Variants in MCMBP observed in about 807,000 individuals in gnomAD.
MCMBP encodes the protein mini-chromosome maintenance complex-binding protein.
A neutral mutation model predicts 81.3 loss-of-function variants in MCMBP; 31 were observed. That is an observed-to-expected ratio of 0.38 (90% CI 0.29 to 0.51). The LOEUF (loss-of-function observed/expected upper bound fraction) is 0.51. Ranked by LOEUF, MCMBP falls within the 20% of genes least tolerant of loss-of-function variation. The probability of loss-of-function intolerance (pLI) is 0.87; values close to 1 mark genes in which losing one functional copy is unlikely to be tolerated. For synonymous variants in MCMBP, 267 were observed against 275.9 expected, an observed-to-expected ratio of 0.97 and a Z score of 0.32; for missense variants, 645 against 772.1, an observed-to-expected ratio of 0.84 and a Z score of 1.95.
chr10:119,836,784 T>TAAAAAAAA, intron 13 of MCMBP, 112 bp downstream of exon 13: 3 of 163,712 alleles, frequency 1.8e-5, no homozygotes, highest in Non-Finnish European at 3.1e-5. Flanking sequence ...TTTTTTTTTT[T>TAAAAAAAA]TTTTTTTTTT....
chr10:119,833,317 C>T (rs1159243941), intron 14 of MCMBP, among the ~76,000 whole-genome samples: 1 of 151,926 alleles, frequency 6.6e-6, no homozygotes, highest in Non-Finnish European at 1.5e-5. Context: ...GAGTAACTTC[C>T]AAAGCAGAGT....
chr10:119,854,522 G>A (rs1198358177), intron 5 of MCMBP, among the ~76,000 whole-genome samples: 3 of 146,282 alleles, frequency 2.1e-5, no homozygotes, highest in African/African-American at 7.6e-5. Context: ...GGGCAACAAA[G>A]GGAGAGACCC....
intron 1 of MCMBP, among the ~76,000 whole-genome samples, chr10:119,871,634 T>C (rs1407819109): frequency 6.6e-6 from 1 of 152,130 alleles, no homozygotes; most frequent in South Asian, 2.1e-4. Context: ...TACCCCAAGA[T>C]GTTTTTTTCA....
intron 1 of MCMBP, among the ~76,000 whole-genome samples, chr10:119,865,490 C>G (rs562904957): frequency 2.0e-4 from 31 of 152,158 alleles, no homozygotes; most frequent in Non-Finnish European, 4.1e-4. Context: ...ACTTGGGAGG[C>G]TGAGGCAGGA....
Position 119,847,643 on chromosome 10 carries a change from G to A in MCMBP, c.797C>T (p.Pro266Leu). 6.2e-7 allele frequency: 1 copy of A among 1,610,516 alleles called. No individual in the cohort carries two copies. Among genetic ancestry groups the A allele is most frequent in the Non-Finnish European group, 8.5e-7 (1 of 1,177,784 alleles). Residue 266 changes from proline to leucine, a missense_variant, in exon 8 of 16, where the codon CCT (proline) becomes CTT (leucine). Coordinates refer to ENST00000369077, the MANE Select transcript of MCMBP (RefSeq NM_001256378.2). ...LELYGILSVD[P>L]VLSILNNDER... ...ATCATTATTCAGTATACTCAGCACA[G>A]GATCCACAGACAGTATGCCATATAG...
At chr10:119,847,759 G>A in intron 7 of MCMBP, 46 bp from the exon 8 acceptor site, 1 of 1,155,466 alleles carries the variant, frequency 8.7e-7, no homozygotes, top group Non-Finnish European at 1.3e-6. Context: ...CAGACACAAA[G>A]CTTAAGATAT....
intron 1 of MCMBP, among the ~76,000 whole-genome samples, chr10:119,869,884 G>C (rs1369149405): frequency 6.6e-6 from 1 of 152,238 alleles, no homozygotes; most frequent in Non-Finnish European, 1.5e-5. Context: ...GATCAGTGCT[G>C]TACAGAGAAC....
chr10:119,869,863 G>A (rs778494629), intron 1 of MCMBP, among the ~76,000 whole-genome samples: 1 of 152,150 alleles, frequency 6.6e-6, no homozygotes, highest in Admixed American at 6.5e-5. Context: ...ACTAAAAAGC[G>A]GTGTCCTCTA....
intron 1 of MCMBP, among the ~76,000 whole-genome samples, 183 bp downstream of exon 1, chr10:119,872,344 C>A (rs895294693): frequency 2.4e-4 from 37 of 152,040 alleles, no homozygotes; most frequent in Admixed American, 7.9e-4. Context: ...CGGCTCCTGC[C>A]CCTGCCTGCT....
intron 1 of MCMBP, among the ~76,000 whole-genome samples, chr10:119,861,857 C>T (rs1377317432): frequency 6.6e-6 from 1 of 152,044 alleles, no homozygotes; most frequent in Non-Finnish European, 1.5e-5. Flanking sequence ...CCTCTGGCCT[C>T]AGTCTCCTGC....
rs772753406 is a variant in MCMBP, at chr10:119,853,098, G to A, written c.526C>T (p.Leu176=). ...TGGTCTTTCTGCTTATTGGGCTGTA[G>A]GTCCATATCGTCATCATCTTCATAA... The part of the protein sequence containing the change: ...RSYEDDDDMD[L]QPNKQKDQHA... The change falls in exon 6 of 16, where the codon CTA becomes TTA. Residue 176 remains leucine (L), a synonymous_variant. Transcript: ENST00000369077. 5.0e-6 allele frequency: 8 copies of A among 1,614,182 alleles called. No individual in the cohort carries two copies. In the Admixed American group the frequency reaches 1.3e-4, roughly 27 times the overall value.
In MCMBP at chr10:119,872,623, C is replaced by T. The variant is rs1359467513; in HGVS notation, c.-39G>A. On this transcript the variant is annotated 5_prime_UTR_variant, in exon 1 of 16. Transcript: ENST00000369077. ...GGGGCCGGCGAAGACCGGGCGGAGG[C>T]GATCCGCGGGCCGAGCGCGGCCGGG... is the stretch of plus-strand genomic sequence containing the variant. 2.1e-5 allele frequency: 24 copies of T among 1,134,566 alleles called. No homozygotes were observed. The highest frequency in any genetic ancestry group is 2.5e-5 in the Non-Finnish European group (23 of 916,254). The allele number at this position is 1,134,566 out of a possible 1,614,324, so 70.3% of individuals were successfully genotyped here. A position where few individuals can be genotyped will look rare whatever the true frequency, so the allele number is the denominator to read the frequency against.
Position 119,843,364 on chromosome 10 carries a change from T to G in MCMBP, c.890A>C (p.His297Pro). The change falls in exon 9 of 16, where the codon CAC becomes CCC. Residue 297 changes from histidine to proline, a missense_variant. His to Pro is a moderately conservative substitution (Grantham distance 77). Coordinates refer to ENST00000369077, the MANE Select transcript of MCMBP (RefSeq NM_001256378.2). ...CGGCACTAATGAAGCAGGAGGACTG[T>G]GTACTCTCTGCTCCTCTGCTGTGTC... ...CTDTAEEQRV[H>P]SPPASLVPRI... is the part of the protein sequence containing the mutation. 1 of 1,614,112 alleles carries G rather than the reference T, an allele frequency of 6.2e-7. No individual in the cohort carries two copies. The highest frequency in any genetic ancestry group is 1.3e-5 in the African/African-American group (1 of 75,054).
intron 1 of MCMBP, among the ~76,000 whole-genome samples, chr10:119,869,116 G>A (rs1296453071): frequency 6.6e-6 from 1 of 152,218 alleles, no homozygotes; most frequent in Non-Finnish European, 1.5e-5. Context: ...CCAGGAAAGA[G>A]ACTACGATGG....
chr10:119,854,875 A>G (rs1383441441), intron 5 of MCMBP, among the ~76,000 whole-genome samples: 1 of 150,740 alleles, frequency 6.6e-6, no homozygotes, highest in African/African-American at 2.4e-5. Flanking sequence ...AATCACTTGA[A>G]CCCGGGAAGC....
chr10:119,843,254 A>C lies in MCMBP; in HGVS notation c.1000T>G (p.Phe334Val). ...ACTAGGCTGTAACACTTACACTTAC[A>C]GGTTTTGCTCTCCTCTTTGTTAAGG... ...ACLNKEESKT[F>V]VSSFMSELSP... The change falls in exon 9 of 16, where the codon TTT becomes GTT. Residue 334 changes from phenylalanine (F) to valine (V), a missense_variant and splice_region_variant. Phe to Val is a conservative substitution (Grantham distance 50). Transcript: ENST00000369077. The C allele has an allele frequency of 6.2e-7, 1 of 1,613,414 alleles. No individual in the cohort carries two copies. Among genetic ancestry groups the C allele is most frequent in the Non-Finnish European group, 8.5e-7 (1 of 1,179,554 alleles).
At chr10:119,838,389 A>G in intron 12 of MCMBP, 146 bp downstream of exon 12, 1 of 692,882 alleles carries the variant, frequency 1.4e-6, no homozygotes, top group East Asian at 2.8e-5. Flanking sequence ...TTTATAACAT[A>G]TGCTTTAATC....
chr10:119,830,759 G>A lies in MCMBP; in HGVS notation c.*715C>T, dbSNP rs1851998344. The A allele has an allele frequency of 2.0e-5, 3 of 152,578 alleles. No individual in the cohort carries two copies. The highest frequency in any genetic ancestry group is 4.4e-5 in the Non-Finnish European group (3 of 68,038). 9.5% of individuals were successfully genotyped at this position (152,578 alleles called of 1,614,324 possible). On this transcript the variant is annotated 3_prime_UTR_variant, in exon 16 of 16. Coordinates refer to ENST00000369077, the MANE Select transcript of MCMBP (RefSeq NM_001256378.2). ...CCTTTCCTTTTATGAAAAAAATGGT[G>A]ATAATACAGTGATTTATTCGGATTA...
intron 5 of MCMBP, 68 bp downstream of exon 5, chr10:119,857,270 G>T: frequency 8.8e-7 from 1 of 1,134,218 alleles, no homozygotes; most frequent in Non-Finnish European, 1.3e-6. Flanking sequence ...GCTTTGCAAA[G>T]GAAGAATAAT....
Sources: allele counts gnomAD v4.1 joint callset (sites outside exome capture counted in the v4.1 genomes callset), GRCh38; gene constraint gnomAD v4.1.1; transcripts MANE v1.5; gene names NCBI Gene and HGNC (gene_info 2026-07-23, HGNC 2026-07-21).